The following SEMA3A variants were observed in gnomAD, a reference collection of about 807,000 sequenced individuals.
The protein encoded by SEMA3A is semaphorin-3A.
A neutral mutation model predicts 97.9 loss-of-function variants in SEMA3A; 29 were observed. The ratio of observed to expected loss-of-function variants is 0.30; its 90% confidence interval spans 0.22 to 0.40. SEMA3A has a LOEUF of 0.40. Ranked by LOEUF, SEMA3A falls within the 10% of genes least tolerant of loss-of-function variation. The pLI, the probability that SEMA3A is intolerant of heterozygous loss-of-function variation, is 1.00. For synonymous variants in SEMA3A, 321 were observed against 323.7 expected (o/e 0.99, Z 0.09); for missense variants, 763 against 951.3 (o/e 0.80, Z 2.60).
chr7:84,275,132 T>C (rs554906967), intron 3 of SEMA3A, among the ~76,000 whole-genome samples: 79 of 152,252 alleles, frequency 5.2e-4, no homozygotes, highest in Admixed American at 4.1e-3. Context: ...GCATTTGTTT[T>C]CTTACATATT....
At chr7:84,376,554 A>G (rs1803105484) in intron 1 of SEMA3A, among the ~76,000 whole-genome samples, 1 of 105,292 alleles carries the variant, frequency 9.5e-6, no homozygotes, top group South Asian at 3.7e-4. Flanking sequence ...CAGTGAGCCG[A>G]GATCGCGCCA....
chr7:84,337,780 G>A (rs1802073590), intron 2 of SEMA3A, among the ~76,000 whole-genome samples: 1 of 152,162 alleles, frequency 6.6e-6, no homozygotes, highest in African/African-American at 2.4e-5. Flanking sequence ...GTGTGGGAAA[G>A]AGAGTTGGCA....
intron 3 of SEMA3A, among the ~76,000 whole-genome samples, chr7:84,217,677 C>T (rs1379327611): frequency 6.6e-6 from 1 of 151,652 alleles, no homozygotes; most frequent in Non-Finnish European, 1.5e-5. Context: ...TCTCTTGAGG[C>T]AAGAGTTCAA....
At chr7:84,010,974 C>A in intron 9 of SEMA3A, 48 bp downstream of exon 9, 1 of 1,359,710 alleles carries the variant, frequency 7.4e-7, no homozygotes. Context: ...ACTTGGATAG[C>A]ACCTAAATAA....
chr7:84,424,449 TATA>T (rs1328953087), intron 1 of SEMA3A, among the ~76,000 whole-genome samples: 22 of 124,540 alleles, frequency 1.8e-4, no homozygotes, highest in African/African-American at 6.1e-4. Flanking sequence ...TAATATATAA[TATA>T]ATAATACAAT....
At chr7:84,234,087 C>T (rs1198814462) in intron 3 of SEMA3A, among the ~76,000 whole-genome samples, 1 of 151,812 alleles carries the variant, frequency 6.6e-6, no homozygotes, top group East Asian at 1.9e-4. Flanking sequence ...CAATAGGAAC[C>T]TGCATAAAAA....
chr7:84,004,318 A>C (rs1790579206), intron 11 of SEMA3A, among the ~76,000 whole-genome samples: 1 of 152,124 alleles, frequency 6.6e-6, no homozygotes, highest in Non-Finnish European at 1.5e-5. Flanking sequence ...CTGAAAATAT[A>C]CCTGAAAAAG....
At chr7:84,085,633 C>T (rs1170706223) in intron 4 of SEMA3A, among the ~76,000 whole-genome samples, 1 of 152,048 alleles carries the variant, frequency 6.6e-6, no homozygotes, top group Non-Finnish European at 1.5e-5. Flanking sequence ...TGATTAGAAA[C>T]ATGGAATTAA....
Position 83,977,549 on chromosome 7 carries a change from G to C in SEMA3A, c.1653-353C>G, listed in dbSNP as rs530604145. Among the ~76,000 whole-genome samples the C allele has an allele frequency of 3.3e-5, 5 of 151,654 alleles. No individual in the cohort carries two copies. In the South Asian group the frequency reaches 1.0e-3, roughly 32 times the overall value. On this transcript the variant is annotated intron_variant, in intron 14 of 16. Transcript: ENST00000265362. ...TCAAGGCCTAACTTCTGTGGAAAAA[G>C]CACAAAATTTAAAATAATAATCCAT...
Position 84,408,405 on chromosome 7 carries a change from G to A in SEMA3A, c.-245-36505C>T, listed in dbSNP as rs199941160. 0.014 allele frequency among the ~76,000 whole-genome samples: 2,079 copies of A among 151,782 alleles called. 78 individuals carry two copies. The East Asian group carries it at 0.16, about 11-fold the overall frequency. On this transcript the variant is annotated intron_variant, in intron 1 of 3. Transcript: ENST00000424555. ...AAGTCAGGAAACAACAGGTGCTGGA[G>A]AGGATGTGGAGAAATAGGAACACTT...
intron 1 of SEMA3A, among the ~76,000 whole-genome samples, chr7:84,401,760 T>G (rs536325333): frequency 5.9e-5 from 9 of 152,186 alleles, no homozygotes; most frequent in Non-Finnish European, 1.2e-4. Flanking sequence ...TGTTGGATAA[T>G]GGAGAGTGTC....
chr7:84,099,261 G>A lies in SEMA3A; in HGVS notation c.453+11209C>T, dbSNP rs1384647744. Among the ~76,000 whole-genome samples, 4 of 65,164 alleles carry A rather than the reference G, an allele frequency of 6.1e-5. 2 individuals are homozygous for A. The highest frequency in any genetic ancestry group is 4.4e-4 in the Admixed American group (2 of 4,550). The allele number at this position is 65,164 out of a possible 152,430, so 42.8% of individuals were successfully genotyped here. The stretch of plus-strand genomic sequence containing the variant: ...AATTTTTTGTATTTTTAGTAGAGAC[G>A]GTGTTTCACCGTGTTAGCCAGGATG... On this transcript the variant is annotated intron_variant, in intron 4 of 16. Coordinates refer to ENST00000265362, the MANE Select transcript of SEMA3A (RefSeq NM_006080.3).
rs1414550280 is a variant in SEMA3A at position 84,050,072 on chromosome 7, C to T, written c.548-3629G>A. Among the ~76,000 whole-genome samples, 3 of 151,334 alleles carry T rather than the reference C, an allele frequency of 2.0e-5. No homozygotes were observed. The East Asian group carries it at 5.8e-4, about 29-fold the overall frequency. Reference sequence around the variant, plus strand: ...TCATTTTTTATGGCTGCATAGTATTCCATGGTGTATATGTGCCACATTTTC... The same window carrying T: ...TCATTTTTTATGGCTGCATAGTATTTCATGGTGTATATGTGCCACATTTTC... On this transcript the variant is annotated intron_variant, in intron 5 of 16. Transcript: ENST00000265362.
intron 12 of SEMA3A, among the ~76,000 whole-genome samples, chr7:84,001,430 G>T (rs1355978501): frequency 6.6e-6 from 1 of 151,596 alleles, no homozygotes; most frequent in Non-Finnish European, 1.5e-5. Context: ...TGTAGACTAG[G>T]AATCTATAAC....
intron 1 of SEMA3A, among the ~76,000 whole-genome samples, chr7:84,151,461 G>T (rs573240344): frequency 3.3e-5 from 5 of 151,822 alleles, no homozygotes; most frequent in Non-Finnish European, 7.4e-5. Flanking sequence ...CTCAGGAGCC[G>T]ATGCGATCAA....
intron 5 of SEMA3A, among the ~76,000 whole-genome samples, chr7:84,057,773 T>TAAAC (rs1289867116): frequency 6.6e-6 from 1 of 151,030 alleles, no homozygotes; most frequent in Non-Finnish European, 1.5e-5. Context: ...AATAAATAAA[T>TAAAC]AAATAAATAA....
chr7:84,458,079 T>C (rs555389825), intron 1 of SEMA3A, among the ~76,000 whole-genome samples: 2 of 151,976 alleles, frequency 1.3e-5, no homozygotes, highest in Admixed American at 1.3e-4. Flanking sequence ...TTCAATTGAG[T>C]TGATGTTACA....
At chr7:84,142,221 A>G (rs530692454) in intron 1 of SEMA3A, among the ~76,000 whole-genome samples, 161 of 152,336 alleles carry the variant, frequency 1.1e-3, no homozygotes, top group Non-Finnish European at 1.7e-3. Flanking sequence ...AAGTCAACAA[A>G]AACACATTTA....
intron 3 of SEMA3A, among the ~76,000 whole-genome samples, chr7:84,259,396 GA>G (rs1799792511): frequency 2.0e-5 from 3 of 152,058 alleles, no homozygotes; most frequent in Non-Finnish European, 2.9e-5. Flanking sequence ...TCTGAGAACA[GA>G]AATTGGTTCC....
Sources: allele counts gnomAD v4.1 joint callset (sites outside exome capture counted in the v4.1 genomes callset), GRCh38; gene constraint gnomAD v4.1.1; transcripts MANE v1.5; gene names NCBI Gene and HGNC (gene_info 2026-07-23, HGNC 2026-07-21).